Variants in ANO3 observed in about 807,000 individuals in gnomAD.
ANO3 encodes anoctamin 3.
A neutral mutation model predicts 144.8 loss-of-function variants in ANO3; 99 were observed. The ratio of observed to expected loss-of-function variants is 0.68; its 90% CI spans 0.58 to 0.81. The LOEUF (loss-of-function observed/expected upper bound fraction) is 0.81, where lower values mean the gene tolerates loss of function less well. Ranked by LOEUF, ANO3 falls within the 30% of genes least tolerant of loss-of-function variation. The pLI, the probability that ANO3 is intolerant of heterozygous loss-of-function variation, is 0.00. For synonymous variants in ANO3, 414 were observed against 392.6 expected, an observed-to-expected ratio of 1.05 and a Z score of -0.64; for missense variants, 905 against 1,202.2, an observed-to-expected ratio of 0.75 and a Z score of 3.66.
chr11:26,340,334 T>G (rs1423814173), intron 1 of ANO3, among the ~76,000 whole-genome samples: 1 of 152,250 alleles, frequency 6.6e-6, no homozygotes, highest in African/African-American at 2.4e-5. Flanking sequence ...ACTTTCTAAA[T>G]GTATGCACAA....
At chr11:26,423,944 A>G (rs1408176956) in intron 1 of ANO3, among the ~76,000 whole-genome samples, 2 of 151,648 alleles carry the variant, frequency 1.3e-5, no homozygotes, top group Non-Finnish European at 1.5e-5. Context: ...TCCTAGTTTC[A>G]TTTCCCATCT....
chr11:26,252,086 T>C (rs971706897), intron 1 of ANO3, among the ~76,000 whole-genome samples: 5 of 152,190 alleles, frequency 3.3e-5, no homozygotes, highest in Non-Finnish European at 4.4e-5. Flanking sequence ...ACATAACCAG[T>C]GGAATTATCT....
chr11:26,322,388 T>C (rs1221424100), intron 1 of ANO3, among the ~76,000 whole-genome samples: 2 of 152,106 alleles, frequency 1.3e-5, no homozygotes, highest in African/African-American at 4.8e-5. Context: ...AACTAAAGCC[T>C]ATAGTTTATT....
chr11:26,193,476 T>G (rs537806225), intron 1 of ANO3, among the ~76,000 whole-genome samples: 2 of 152,248 alleles, frequency 1.3e-5, no homozygotes, highest in Admixed American at 6.5e-5. Flanking sequence ...ATAAACTATC[T>G]GTGTTGTCCA....
chr11:26,244,996 T>C (rs1852751849), intron 1 of ANO3, among the ~76,000 whole-genome samples: 1 of 136,026 alleles, frequency 7.4e-6, no homozygotes, highest in East Asian at 2.0e-4. Context: ...TGTGTGTGTG[T>C]GTGTGTGTGT....
At chr11:26,451,284 T>C (rs973074967) in intron 3 of ANO3, among the ~76,000 whole-genome samples, 2 of 152,186 alleles carry the variant, frequency 1.3e-5, no homozygotes, top group Admixed American at 1.3e-4. Flanking sequence ...GGGCAAGGCA[T>C]TGCCTCACTC....
chr11:26,567,576 T>C (rs572653514), intron 14 of ANO3, among the ~76,000 whole-genome samples: 2 of 152,162 alleles, frequency 1.3e-5, no homozygotes, highest in South Asian at 4.1e-4. Flanking sequence ...ATATGTTAGT[T>C]ATCTTCAAAA....
intron 14 of ANO3, among the ~76,000 whole-genome samples, chr11:26,589,801 C>T (rs916537757): frequency 3.9e-5 from 6 of 152,212 alleles, no homozygotes; most frequent in Admixed American, 1.3e-4. Flanking sequence ...AGTAAACATC[C>T]GTGCATCATT....
At chr11:26,331,684 A>G (rs1590266552), upstream of ANO3, 1 of 152,708 alleles carries the variant, frequency 6.5e-6, no homozygotes, top group African/African-American at 2.4e-5. Context: ...AGTGCTAGAC[A>G]TAGAACACAG....
chr11:26,234,487 T>C (rs1262934695), intron 1 of ANO3, among the ~76,000 whole-genome samples: 1 of 152,014 alleles, frequency 6.6e-6, no homozygotes, highest in Non-Finnish European at 1.5e-5. Context: ...GAAAAGAAAA[T>C]CTTAGAGACC....
Position 26,627,857 on chromosome 11 carries a change from G to A in ANO3, c.1873+3359G>A, listed in dbSNP as rs926382037. 1.4e-3 allele frequency among the ~76,000 whole-genome samples: 156 copies of A among 110,176 alleles called. 4 individuals are homozygous for A. Among genetic ancestry groups the A allele is most frequent in the Admixed American group, 0.013 (148 of 11,460 alleles). The allele number at this position is 110,176 out of a possible 152,430, so 72.3% of individuals were successfully genotyped here. ...TGTGTGTGTGTGTGTGTGTGTGTGC[G>A]CCTGACATTATGTTCTGTTTAATTT... On this transcript the variant is annotated intron_variant, in intron 18 of 26. Transcript: ENST00000256737.
intron 4 of ANO3, among the ~76,000 whole-genome samples, chr11:26,502,909 A>G (rs1452163368): frequency 1.3e-5 from 2 of 151,354 alleles, no homozygotes; most frequent in Non-Finnish European, 2.9e-5. Context: ...CTCTAATCTT[A>G]TTTAAAGAGT....
intron 17 of ANO3, among the ~76,000 whole-genome samples, chr11:26,617,351 A>T (rs899477436): frequency 6.6e-6 from 1 of 152,208 alleles, no homozygotes; most frequent in Admixed American, 6.5e-5. Flanking sequence ...TGTATTATTT[A>T]TTCCAAAGCA....
At chr11:26,601,759 T>A (rs1238541284) in intron 17 of ANO3, among the ~76,000 whole-genome samples, 2 of 152,154 alleles carry the variant, frequency 1.3e-5, no homozygotes, top group Non-Finnish European at 2.9e-5. Flanking sequence ...TAGACAGAGG[T>A]TATTGCAATT....
intron 1 of ANO3, among the ~76,000 whole-genome samples, chr11:26,280,612 G>A (rs67249190): frequency 0.035 from 5,303 of 152,134 alleles, 185 homozygotes; most frequent in African/African-American, 0.09. Flanking sequence ...CCAGATTGGC[G>A]GGTGAGGGCT....
intron 3 of ANO3, among the ~76,000 whole-genome samples, chr11:26,448,287 G>C (rs541809012): frequency 5.3e-4 from 69 of 129,874 alleles, no homozygotes; most frequent in Non-Finnish European, 9.5e-4. Flanking sequence ...CAACAAAAGC[G>C]TAACTCCGTC....
Position 26,592,098 on chromosome 11 carries a change from C to A in ANO3, c.1448-6267C>A, listed in dbSNP as rs547734375. Reference sequence around the variant, plus strand: ...TGACATTTAGCTAAGGAGGTGATGTCTTCAATTAAGTTGGCTCTCTCTTGG... The same window carrying A: ...TGACATTTAGCTAAGGAGGTGATGTATTCAATTAAGTTGGCTCTCTCTTGG... On this transcript the variant is annotated intron_variant, in intron 14 of 26. Transcript: ENST00000256737. Among the ~76,000 whole-genome samples, 46 of 152,192 alleles carry A rather than the reference C, an allele frequency of 3.0e-4. No individual in the cohort carries two copies. The South Asian group carries it at 9.1e-3, about 30-fold the overall frequency.
chr11:26,550,180 A>G (rs1849894757), intron 12 of ANO3, among the ~76,000 whole-genome samples: 1 of 151,628 alleles, frequency 6.6e-6, no homozygotes, highest in African/African-American at 2.4e-5. Context: ...GATTATGATT[A>G]ATATATAATT....
Position 26,456,769 on chromosome 11 carries a change from T to C in ANO3, c.314-6261T>C, listed in dbSNP as rs1859177532. 2.3e-5 allele frequency among the ~76,000 whole-genome samples: 3 copies of C among 130,962 alleles called. 1 individual carries two copies. The South Asian group carries it at 8.9e-4, about 39-fold the overall frequency. 85.9% of individuals were successfully genotyped at this position (130,962 alleles called of 152,430 possible). ...TAAATCATGCTGCTATAAAGACACA[T>C]GCACACGTATGTTTATTGCGGCACT... On this transcript the variant is annotated intron_variant, in intron 3 of 26. Coordinates refer to ENST00000256737, the MANE Select transcript of ANO3 (RefSeq NM_031418.4).
Sources: gnomAD v4.1 joint callset for allele counts (sites outside exome capture counted in the v4.1 genomes callset) on GRCh38, gnomAD v4.1.1 for gene constraint, MANE v1.5 for transcripts, NCBI Gene and HGNC (gene_info 2026-07-23, HGNC 2026-07-21) for gene names.